Variants in ROBO2 observed in about 807,000 individuals in gnomAD.
ROBO2 encodes roundabout homolog 2.
Under a neutral mutation model 160.8 loss-of-function variants are expected in ROBO2, and 53 were observed. That is an observed-to-expected ratio of 0.33 (90% CI 0.26 to 0.41). The LOEUF is 0.41. Among genes scored for constraint, ROBO2 ranks in the 10% least tolerant of loss-of-function variants. The pLI, the probability that ROBO2 is intolerant of heterozygous loss-of-function variation, is 1.00. For missense variants in ROBO2, 1,577 were observed against 1,722.4 expected, an observed-to-expected ratio of 0.92 and a Z score of 1.49; for synonymous variants, 664 against 611.7, an observed-to-expected ratio of 1.09 and a Z score of -1.26.
chr3:77,423,470 G>C (rs1223971523), intron 2 of ROBO2, among the ~76,000 whole-genome samples: 4 of 152,150 alleles, frequency 2.6e-5, no homozygotes, highest in Non-Finnish European at 5.9e-5. Flanking sequence ...GAAATTGCCA[G>C]TTTTCAACTG....
intron 2 of ROBO2, among the ~76,000 whole-genome samples, chr3:76,921,777 A>T (rs1160737843): frequency 6.6e-6 from 1 of 152,178 alleles, no homozygotes; most frequent in Non-Finnish European, 1.5e-5. Context: ...GAATCTTGAG[A>T]TAGCCATATT....
intron 2 of ROBO2, among the ~76,000 whole-genome samples, chr3:76,625,623 C>A (rs1369572326): frequency 6.6e-6 from 1 of 152,210 alleles, no homozygotes; most frequent in African/African-American, 2.4e-5. Context: ...GAGGAAGTTA[C>A]GTGGATCTAT....
intron 21 of ROBO2, among the ~76,000 whole-genome samples, chr3:77,612,901 C>T (rs570341113): frequency 6.6e-6 from 1 of 151,572 alleles, no homozygotes; most frequent in Non-Finnish European, 1.5e-5. Flanking sequence ...TGCAGTGAGC[C>T]GAGATCGCGC....
chr3:76,264,530 G>A lies in ROBO2; in HGVS notation c.109+326928G>A, dbSNP rs145785817. The stretch of plus-strand genomic sequence containing the variant: ...ATTATGATATATAAGGTTCCTTTCC[G>A]ATGAAATGGATGCAGTTAGACTTTT... On this transcript the variant is annotated intron_variant, in intron 2 of 26. Coordinates refer to the ROBO2 transcript ENST00000487694. 2.4e-3 allele frequency among the ~76,000 whole-genome samples: 362 copies of A among 152,098 alleles called. 1 individual carries two copies. The highest frequency in any genetic ancestry group is 8.4e-3 in the African/African-American group (348 of 41,506).
chr3:76,320,856 T>A (rs1199126931), intron 2 of ROBO2, among the ~76,000 whole-genome samples: 1 of 152,216 alleles, frequency 6.6e-6, no homozygotes, highest in Non-Finnish European at 1.5e-5. Context: ...GATTGCCTAT[T>A]TCCATTGGAG....
At chr3:77,156,175 C>G (rs550343393) in intron 2 of ROBO2, among the ~76,000 whole-genome samples, 3 of 152,104 alleles carry the variant, frequency 2.0e-5, no homozygotes, top group East Asian at 1.9e-4. Flanking sequence ...GCACCATTCT[C>G]CTTCTCCTTT....
intron 2 of ROBO2, among the ~76,000 whole-genome samples, chr3:77,371,588 A>G (rs1389025404): frequency 6.6e-6 from 1 of 152,228 alleles, no homozygotes; most frequent in African/African-American, 2.4e-5. Context: ...GCAAATTTTG[A>G]TTCTTATAAT....
intron 2 of ROBO2, among the ~76,000 whole-genome samples, chr3:77,197,797 C>T (rs967222594): frequency 4.6e-5 from 7 of 152,128 alleles, no homozygotes; most frequent in African/African-American, 1.7e-4. Flanking sequence ...GGGAGGTTAT[C>T]TCAGGTTATC....
intron 2 of ROBO2, among the ~76,000 whole-genome samples, chr3:77,380,064 C>G (rs770399733): frequency 5.3e-5 from 8 of 152,210 alleles, no homozygotes; most frequent in Non-Finnish European, 1.0e-4. Flanking sequence ...TCTGTTCCAA[C>G]CCTTTCACTG....
chr3:76,096,075 T>C (rs138525977), intron 2 of ROBO2, among the ~76,000 whole-genome samples: 1 of 152,204 alleles, frequency 6.6e-6, no homozygotes, highest in East Asian at 1.9e-4. Flanking sequence ...AAAGAACCCA[T>C]ATTGACAGGC....
chr3:76,722,668 A>C (rs1452490521), intron 2 of ROBO2, among the ~76,000 whole-genome samples: 3 of 152,158 alleles, frequency 2.0e-5, no homozygotes, highest in African/African-American at 7.2e-5. Flanking sequence ...CTATCGCCAC[A>C]GTTGTGTCTC....
intron 2 of ROBO2, chr3:76,434,680 A>C: frequency 8.8e-7 from 1 of 1,141,586 alleles, no homozygotes; most frequent in Non-Finnish European, 1.3e-6. Flanking sequence ...CTGCTGGATC[A>C]GGTCCTCCTC....
chr3:77,483,139 G>A (rs563694270), intron 4 of ROBO2, among the ~76,000 whole-genome samples: 8 of 152,162 alleles, frequency 5.3e-5, no homozygotes, highest in Admixed American at 2.0e-4. Context: ...TTTAGGAAAC[G>A]GAGAATGTTT....
At chr3:76,731,313 C>A (rs183291644) in intron 2 of ROBO2, among the ~76,000 whole-genome samples, 1 of 152,094 alleles carries the variant, frequency 6.6e-6, no homozygotes, top group Non-Finnish European at 1.5e-5. Context: ...TTCCTGAATA[C>A]GTAAATGCCA....
intron 2 of ROBO2, among the ~76,000 whole-genome samples, chr3:77,429,086 A>G (rs2078509404): frequency 6.6e-6 from 1 of 152,206 alleles, no homozygotes; most frequent in Non-Finnish European, 1.5e-5. Context: ...AACTTTAGAA[A>G]CATGACAAAA....
At chr3:76,420,718 C>A (rs2075960692) in intron 2 of ROBO2, among the ~76,000 whole-genome samples, 1 of 152,068 alleles carries the variant, frequency 6.6e-6, no homozygotes, top group Non-Finnish European at 1.5e-5. Flanking sequence ...GTATTTTTCC[C>A]TAAGAGATTC....
At chr3:76,078,699 G>A (rs1185029107) in intron 2 of ROBO2, among the ~76,000 whole-genome samples, 1 of 151,304 alleles carries the variant, frequency 6.6e-6, no homozygotes, top group Admixed American at 6.6e-5. Flanking sequence ...ATATCAAATT[G>A]TTCAATATCT....
At chr3:77,102,633 A>G (rs1043498178) in intron 2 of ROBO2, among the ~76,000 whole-genome samples, 1 of 152,150 alleles carries the variant, frequency 6.6e-6, no homozygotes, top group African/African-American at 2.4e-5. Flanking sequence ...TTCTACTATG[A>G]TACGAAATGT....
At chr3:77,602,548 A>C in intron 20 of ROBO2, 57 bp downstream of exon 21, 1 of 1,582,880 alleles carries the variant, frequency 6.3e-7, no homozygotes, top group Non-Finnish European at 8.7e-7. Flanking sequence ...TGCATGAGAT[A>C]GAAATTAGTA....
Sources: allele counts gnomAD v4.1 joint callset (sites outside exome capture counted in the v4.1 genomes callset), GRCh38; gene constraint gnomAD v4.1.1; transcripts MANE v1.5; gene names NCBI Gene and HGNC (gene_info 2026-07-23, HGNC 2026-07-21).